The following ANTXR2 variants were observed in gnomAD, a reference collection of about 807,000 sequenced individuals.
ANTXR2 encodes the protein ANTXR cell adhesion molecule 2.
ANTXR2 carries 44 observed loss-of-function variants against 73.7 expected under a neutral mutation model. The observed-to-expected ratio is 0.60, with a 90% CI of 0.47 to 0.77. ANTXR2 has a LOEUF of 0.77. ANTXR2 is among the 30% of genes least tolerant of loss of function. ANTXR2 has a pLI of 0.00. For synonymous variants in ANTXR2, 217 were observed against 205.9 expected (o/e 1.05, Z -0.46); for missense variants, 604 against 592.5 (o/e 1.02, Z -0.20).
At position 79,922,331 on chromosome 4, in the gene ANTXR2, C is replaced by T. The variant is rs1242222136; in HGVS notation, c.1429-14864G>A. 2.0e-5 allele frequency among the ~76,000 whole-genome samples: 3 copies of T among 152,036 alleles called. No homozygotes were observed. In the East Asian group the frequency reaches 5.8e-4, roughly 29 times the overall value. Reference sequence around the variant, plus strand: ...TATACAATGGCATTTAATGGTGATTCCTTGCTCACAGTTTGTAAAGAAACT... The same window carrying T: ...TATACAATGGCATTTAATGGTGATTTCTTGCTCACAGTTTGTAAAGAAACT... On this transcript the variant is annotated intron_variant, in intron 16 of 16. Transcript: ENST00000403729.
chr4:79,976,813 CTTAGAT>C (rs1729654707), intron 16 of ANTXR2, among the ~76,000 whole-genome samples: 1 of 152,136 alleles, frequency 6.6e-6, no homozygotes, highest in Admixed American at 6.5e-5. Context: ...CAGATTCCTT[CTTAGAT>C]GAAGTTAAGA....
chr4:80,030,545 A>C (rs576891884), intron 10 of ANTXR2, among the ~76,000 whole-genome samples: 1 of 152,188 alleles, frequency 6.6e-6, no homozygotes, highest in Non-Finnish European at 1.5e-5. Context: ...TGATACAGAA[A>C]ACGAATAATA....
intron 11 of ANTXR2, among the ~76,000 whole-genome samples, chr4:80,018,520 A>C (rs2110068420): frequency 6.6e-6 from 1 of 152,330 alleles, no homozygotes; most frequent in African/African-American, 2.4e-5. Flanking sequence ...TTGATTTCAA[A>C]CCATGATAAA....
chr4:79,957,892 T>A (rs1274960651), intron 16 of ANTXR2, among the ~76,000 whole-genome samples: 2 of 151,998 alleles, frequency 1.3e-5, no homozygotes, highest in African/African-American at 4.8e-5. Context: ...AAGAAAAGAC[T>A]GTTTAGTCAT....
chr4:80,015,029 C>T (rs756494642), intron 11 of ANTXR2, among the ~76,000 whole-genome samples: 143 of 152,156 alleles, frequency 9.4e-4, no homozygotes, highest in Non-Finnish European at 1.4e-3. Flanking sequence ...GTCTTTGACT[C>T]TATGTATTCC....
At chr4:79,951,973 C>T (rs765326039) in intron 16 of ANTXR2, among the ~76,000 whole-genome samples, 3 of 152,016 alleles carry the variant, frequency 2.0e-5, no homozygotes, top group Non-Finnish European at 4.4e-5. Context: ...GAGTAGATTA[C>T]AAACTTGTTG....
chr4:79,931,446 TTCTTCTCTCTCTC>T (rs371613075), intron 16 of ANTXR2, among the ~76,000 whole-genome samples: 4,762 of 127,194 alleles, frequency 0.037, 224 homozygotes, highest in African/African-American at 0.12. Flanking sequence ...ATTTCCTCGC[TTCTTCTCTCTCTC>T]TCTCTCTCTC....
chr4:80,071,598 G>A lies in ANTXR2; in HGVS notation c.209C>T (p.Ala70Val), dbSNP rs370619047. ...IEIYNFVQQL[A>V]ERFVSPEMRL... ...AGAAAGATACCTCACAAATCTCTCC[G>A]CAAGTTGCTGTACGAAATTATAAAT... The change falls in exon 2 of 17, where the codon GCG becomes GTG. Residue 70 changes from alanine (A) to valine (V), a missense_variant. Ala to Val is a moderately conservative substitution (Grantham distance 64). Transcript: ENST00000403729. 2.9e-5 allele frequency: 47 copies of A among 1,612,344 alleles called. No homozygotes were observed. The highest frequency in any genetic ancestry group is 1.1e-4 in the East Asian group (5 of 44,874).
chr4:79,915,856 C>CTA (rs1474331161), intron 16 of ANTXR2, among the ~76,000 whole-genome samples: 3,690 of 111,930 alleles, frequency 0.033, 42 homozygotes, highest in Non-Finnish European at 0.051. Context: ...CTCTCTCTCT[C>CTA]TCTCTCTATA....
chr4:80,057,025 A>T (rs796198555), intron 3 of ANTXR2, among the ~76,000 whole-genome samples: 3 of 151,932 alleles, frequency 2.0e-5, no homozygotes, highest in East Asian at 3.9e-4. Flanking sequence ...AGACTTTTTC[A>T]ATAGAAGCAA....
At chr4:80,018,540 A>C (rs186476045) in intron 11 of ANTXR2, among the ~76,000 whole-genome samples, 1 of 152,214 alleles carries the variant, frequency 6.6e-6, no homozygotes, top group Non-Finnish European at 1.5e-5. Flanking sequence ...ATGTTTAGAT[A>C]CTGTAATCTA....
chr4:79,937,874 G>C (rs914429363), intron 16 of ANTXR2, among the ~76,000 whole-genome samples: 7 of 143,726 alleles, frequency 4.9e-5, no homozygotes, highest in Admixed American at 2.8e-4. Flanking sequence ...TGTGCGCACC[G>C]TGCACGAGCC....
rs1376064595 is a variant in ANTXR2 at position 80,055,423 on chromosome 4, A to G, written c.423T>C (p.Ser141=). The change falls in exon 5 of 17, where the codon AGT becomes AGC. Residue 141 remains serine (S), a synonymous_variant. Transcript: ENST00000403729. ...IQKAGGLKTS[S]IIIALTDGKL... ...TGCCATCTGTCAGAGCAATTATGAT[A>G]CTGGAGGTTTTCAAGCCTCCTGCTT... is the stretch of plus-strand genomic sequence containing the variant. 6.2e-7 allele frequency: 1 copy of G among 1,611,150 alleles called. No individual in the cohort carries two copies. The highest frequency in any genetic ancestry group is 8.5e-7 in the Non-Finnish European group (1 of 1,178,312).
chr4:80,003,850 G>A (rs1731174345), intron 12 of ANTXR2, among the ~76,000 whole-genome samples: 1 of 152,048 alleles, frequency 6.6e-6, no homozygotes, highest in Non-Finnish European at 1.5e-5. Flanking sequence ...GTAACAGTTT[G>A]GCAGTTTCCC....
intron 8 of ANTXR2, among the ~76,000 whole-genome samples, chr4:80,035,227 T>C (rs926019644): frequency 6.6e-6 from 1 of 152,144 alleles, no homozygotes; most frequent in African/African-American, 2.4e-5. Flanking sequence ...AATCCTTCCC[T>C]GGGAAGTTCA....
intron 2 of ANTXR2, among the ~76,000 whole-genome samples, chr4:80,069,764 T>C (rs148962729): frequency 6.6e-4 from 101 of 152,352 alleles, no homozygotes; most frequent in African/African-American, 2.4e-3. Context: ...AGAGACTAAC[T>C]GGAAAGATAA....
At chr4:79,944,451 T>C (rs1488285721) in intron 16 of ANTXR2, among the ~76,000 whole-genome samples, 2 of 142,318 alleles carry the variant, frequency 1.4e-5, no homozygotes. Flanking sequence ...GTTCAGATTT[T>C]TACAATATCA....
chr4:79,916,132 C>T (rs942384799), intron 16 of ANTXR2, among the ~76,000 whole-genome samples: 2 of 151,856 alleles, frequency 1.3e-5, no homozygotes, highest in African/African-American at 4.8e-5. Flanking sequence ...TTCAGTGACT[C>T]TATACATATG....
chr4:80,033,468 C>A lies in ANTXR2; in HGVS notation c.796+4G>T. The A allele has an allele frequency of 6.3e-7, 1 of 1,592,412 alleles. No individual in the cohort carries two copies. The highest frequency in any genetic ancestry group is 1.7e-4 in the Middle Eastern group (1 of 6,020). ...AGACAACACTGAGATTACTGGGGACCTACTCGTTGTATATGTTTCATTTAC... is the reference window on the plus strand; with the variant it reads ...AGACAACACTGAGATTACTGGGGACATACTCGTTGTATATGTTTCATTTAC... On this transcript the variant is annotated splice_donor_region_variant and intron_variant, in intron 9 of 16. Transcript: ENST00000403729.
Sources: allele counts gnomAD v4.1 joint callset (sites outside exome capture counted in the v4.1 genomes callset), GRCh38; gene constraint gnomAD v4.1.1; transcripts MANE v1.5; gene names NCBI Gene and HGNC (gene_info 2026-07-23, HGNC 2026-07-21).